The following PDZRN3 variants were observed in gnomAD, a reference collection of about 807,000 sequenced individuals.
PDZRN3 encodes the protein E3 ubiquitin-protein ligase PDZRN3.
A neutral mutation model predicts 85.7 loss-of-function variants in PDZRN3; 38 were observed. The observed-to-expected ratio is 0.44, with a 90% CI of 0.34 to 0.58. The LOEUF is 0.58. Among genes scored for constraint, PDZRN3 ranks in the 20% least tolerant of loss-of-function variants. The pLI, the probability that PDZRN3 is intolerant of heterozygous loss-of-function variation, is 0.01. For missense variants in PDZRN3, 1,629 were observed against 1,506.4 expected (o/e 1.08, Z -1.35); for synonymous variants, 759 against 638.0 (o/e 1.19, Z -2.86).
At chr3:73,438,268 T>C (rs1181062960) in intron 3 of PDZRN3, among the ~76,000 whole-genome samples, 1 of 152,196 alleles carries the variant, frequency 6.6e-6, no homozygotes, top group Non-Finnish European at 1.5e-5. Context: ...TCATAATCGT[T>C]CTTTGAACTT....
At chr3:73,519,164 C>G (rs760490612) in intron 3 of PDZRN3, among the ~76,000 whole-genome samples, 6 of 152,174 alleles carry the variant, frequency 3.9e-5, no homozygotes, top group Admixed American at 6.5e-5. Context: ...CCAGGGAGCA[C>G]TGGCTGATGG....
chr3:73,559,018 G>T (rs1353413116), intron 3 of PDZRN3, among the ~76,000 whole-genome samples: 1 of 152,180 alleles, frequency 6.6e-6, no homozygotes, highest in Non-Finnish European at 1.5e-5. Context: ...GAATTCAAGA[G>T]AAATGCTACA....
chr3:73,607,771 G>A (rs973944278), intron 2 of PDZRN3, among the ~76,000 whole-genome samples: 2 of 151,966 alleles, frequency 1.3e-5, no homozygotes, highest in African/African-American at 4.8e-5. Flanking sequence ...TCCCCACCAG[G>A]ACTCAATGAC....
intron 3 of PDZRN3, among the ~76,000 whole-genome samples, chr3:73,514,875 T>G (rs1311261899): frequency 6.6e-6 from 1 of 152,202 alleles, no homozygotes; most frequent in Non-Finnish European, 1.5e-5. Context: ...ATTTAGCACT[T>G]AACAATTCTG....
At chr3:73,510,419 C>G (rs766444537) in intron 3 of PDZRN3, among the ~76,000 whole-genome samples, 2 of 152,134 alleles carry the variant, frequency 1.3e-5, no homozygotes, top group Non-Finnish European at 2.9e-5. Context: ...GCTCGCAGCA[C>G]CATTGCTTGG....
At chr3:73,497,060 T>C (rs977100463) in intron 3 of PDZRN3, among the ~76,000 whole-genome samples, 1 of 152,230 alleles carries the variant, frequency 6.6e-6, no homozygotes, top group African/African-American at 2.4e-5. Flanking sequence ...ACTTTGGGCC[T>C]TATTTTCTAT....
At chr3:73,542,721 C>A (rs1326551350) in intron 3 of PDZRN3, among the ~76,000 whole-genome samples, 1 of 151,878 alleles carries the variant, frequency 6.6e-6, no homozygotes, top group East Asian at 1.9e-4. Context: ...TTGCAGTGAG[C>A]CAAGATCACA....
intron 3 of PDZRN3, among the ~76,000 whole-genome samples, chr3:73,599,106 AAC>A (rs2106891319): frequency 6.6e-6 from 1 of 152,352 alleles, no homozygotes; most frequent in East Asian, 1.9e-4. Context: ...ATATAAACAC[AAC>A]AGAGTTTTTG....
chr3:73,411,332 A>G (rs369485934), intron 3 of PDZRN3, among the ~76,000 whole-genome samples: 1 of 152,168 alleles, frequency 6.6e-6, no homozygotes, highest in East Asian at 1.9e-4. Flanking sequence ...AGAAATAACA[A>G]GTTTATAGAC....
rs947195899 is a variant in PDZRN3 at position 73,428,103 on chromosome 3, C to T, written c.919-23708G>A. Among the ~76,000 whole-genome samples the T allele has an allele frequency of 6.6e-5, 10 of 152,208 alleles. No individual in the cohort carries two copies. In the East Asian group the frequency reaches 1.5e-3, roughly 24 times the overall value. On this transcript the variant is annotated intron_variant, in intron 3 of 9. Transcript: ENST00000263666. ...TGAAAGGAGGCCTGCAGGACCAGGG[C>T]AGATGAGCAGGGCAGGAGGTTTATG...
chr3:73,563,540 GCTA>G (rs1285982028), intron 3 of PDZRN3, among the ~76,000 whole-genome samples: 3 of 151,982 alleles, frequency 2.0e-5, no homozygotes, highest in Admixed American at 1.3e-4. Context: ...ACTTTCTATG[GCTA>G]CTATTTTATA....
intron 3 of PDZRN3, among the ~76,000 whole-genome samples, chr3:73,448,309 G>C (rs1324921743): frequency 1.3e-5 from 2 of 152,224 alleles, no homozygotes; most frequent in Non-Finnish European, 2.9e-5. Flanking sequence ...CTCATACAGA[G>C]TTACTCAGTG....
intron 3 of PDZRN3, among the ~76,000 whole-genome samples, chr3:73,524,669 C>G (rs1704479388): frequency 6.6e-6 from 1 of 151,942 alleles, no homozygotes; most frequent in African/African-American, 2.4e-5. Context: ...GGCTACAGAC[C>G]AGAAATCTAT....
At chr3:73,459,266 A>G (rs548729024) in intron 3 of PDZRN3, among the ~76,000 whole-genome samples, 1 of 152,252 alleles carries the variant, frequency 6.6e-6, no homozygotes, top group African/African-American at 2.4e-5. Flanking sequence ...CCCATAACAC[A>G]TGGGGATTAT....
chr3:73,414,818 C>A (rs1702043284), intron 3 of PDZRN3, among the ~76,000 whole-genome samples: 1 of 152,216 alleles, frequency 6.6e-6, no homozygotes, highest in Admixed American at 6.5e-5. Context: ...ATTTCCTAGA[C>A]AGCATTTAAA....
intron 1 of PDZRN3, among the ~76,000 whole-genome samples, chr3:73,610,147 A>G (rs1280211402): frequency 6.6e-6 from 1 of 152,214 alleles, no homozygotes; most frequent in Non-Finnish European, 1.5e-5. Context: ...AACAAAAATG[A>G]CAATTTATTC....
chr3:73,404,077 A>T, intron 4 of PDZRN3, 71 bp downstream of exon 4: 1 of 1,467,802 alleles, frequency 6.8e-7, no homozygotes, highest in Non-Finnish European at 9.3e-7. Context: ...TTTTTTCACC[A>T]CATAGAAGAG....
chr3:73,416,876 G>GTTTTTTTTTTTTTTTTTTTTT (rs146381615), intron 3 of PDZRN3, among the ~76,000 whole-genome samples: 7 of 110,404 alleles, frequency 6.3e-5, no homozygotes, highest in Non-Finnish European at 1.1e-4. Flanking sequence ...TTTTTTTTTG[G>GTTTTTTTTTTTTTTTTTTTTT]TTTTTTTTTT....
chr3:73,464,232 AC>A (rs1176450292), intron 3 of PDZRN3, among the ~76,000 whole-genome samples: 1 of 151,980 alleles, frequency 6.6e-6, no homozygotes. Context: ...TGATCCGCCC[AC>A]CTCGGCCTCC....
Sources: allele counts gnomAD v4.1 joint callset (sites outside exome capture counted in the v4.1 genomes callset), GRCh38; gene constraint gnomAD v4.1.1; transcripts MANE v1.5; gene names NCBI Gene and HGNC (gene_info 2026-07-23, HGNC 2026-07-21).